DIP2B: variants seen among roughly 807,000 people sequenced by gnomAD.
The protein encoded by DIP2B is DIP2 acetate--CoA ligase B (putative), also known as disco-interacting protein 2 homolog B.
DIP2B carries 76 observed loss-of-function variants against 198.0 expected under a neutral mutation model. That is an observed-to-expected ratio of 0.38 (90% CI 0.32 to 0.46). The LOEUF (loss-of-function observed/expected upper bound fraction) is 0.46. Ranked by LOEUF, DIP2B falls within the 20% of genes least tolerant of loss-of-function variation. The pLI is 0.99. For synonymous variants in DIP2B, 701 were observed against 739.1 expected (o/e 0.95, Z 0.84); for missense variants, 1,559 against 1,978.4 (o/e 0.79, Z 4.02).
chr12:50,593,702 T>TCTCCTCTCCCCTCCTCTCCTCTCCC (rs1565836975), intron 1 of DIP2B, among the ~76,000 whole-genome samples: 11 of 56,520 alleles, frequency 1.9e-4, no homozygotes, highest in Non-Finnish European at 3.0e-4. Flanking sequence ...TCTCCTCTCC[T>TCTCCTCTCCCCTCCTCTCCTCTCCC]CTCCCCTCCT....
At chr12:50,710,173 C>A (rs1269927401) in intron 22 of DIP2B, among the ~76,000 whole-genome samples, 3 of 152,106 alleles carry the variant, frequency 2.0e-5, no homozygotes, top group Non-Finnish European at 2.9e-5. Flanking sequence ...CTCTTTTGTT[C>A]AGGGCTCGAT....
rs564915704 is a variant in DIP2B, at chr12:50,677,312, T to G, written c.917-1367T>G. Among the ~76,000 whole-genome samples, 7 of 152,264 alleles carry G rather than the reference T, an allele frequency of 4.6e-5. No individual in the cohort carries two copies. The East Asian group carries it at 1.4e-3, about 29-fold the overall frequency. On this transcript the variant is annotated intron_variant, in intron 7 of 37. Transcript: ENST00000301180. ...AGTGATTTGTTCCACGTGTAAATTA[T>G]CTTTCCTGCTATGAAAATGTAGCAT...
chr12:50,633,964 T>C (rs573206680), intron 2 of DIP2B, among the ~76,000 whole-genome samples: 6 of 152,100 alleles, frequency 3.9e-5, no homozygotes, highest in Non-Finnish European at 7.3e-5. Flanking sequence ...TTTTAACAAA[T>C]TAAAATTTAT....
At chr12:50,659,848 AT>A (rs2139510990) in intron 3 of DIP2B, among the ~76,000 whole-genome samples, 1 of 152,190 alleles carries the variant, frequency 6.6e-6, no homozygotes, top group African/African-American at 2.4e-5. Flanking sequence ...CGCTCATTCC[AT>A]TTGAGGCAGA....
intron 3 of DIP2B, among the ~76,000 whole-genome samples, chr12:50,647,947 A>C (rs1384769556): frequency 1.3e-5 from 2 of 152,176 alleles, no homozygotes; most frequent in Admixed American, 6.5e-5. Flanking sequence ...CTCTACTAAA[A>C]ATACAAAAAT....
chr12:50,699,232 A>G, intron 19 of DIP2B, 30 bp downstream of exon 19: 1 of 1,613,190 alleles, frequency 6.2e-7, no homozygotes, highest in Non-Finnish European at 8.5e-7. Flanking sequence ...CACAGGGAAA[A>G]TGTTTGGGGA....
At chr12:50,505,806 G>A (rs982434452) in intron 1 of DIP2B, among the ~76,000 whole-genome samples, 1 of 152,090 alleles carries the variant, frequency 6.6e-6, no homozygotes, top group East Asian at 1.9e-4. Flanking sequence ...AGAAGCAATG[G>A]CATTAACCCA....
At chr12:50,694,504 A>AATACATACATAC (rs59419587) in intron 14 of DIP2B, among the ~76,000 whole-genome samples, 1 of 143,628 alleles carries the variant, frequency 7.0e-6, no homozygotes, top group African/African-American at 2.6e-5. Context: ...CAGATAAATA[A>AATACATACATAC]ATACATACAT....
chr12:50,623,448 C>T (rs1241705114), intron 1 of DIP2B, among the ~76,000 whole-genome samples: 1 of 142,212 alleles, frequency 7.0e-6, no homozygotes, highest in African/African-American at 2.8e-5. Context: ...CTCTCTCTCT[C>T]TCTCTCTCTC....
chr12:50,743,298 G>C (rs1052939602), intron 37 of DIP2B, among the ~76,000 whole-genome samples: 1 of 152,160 alleles, frequency 6.6e-6, no homozygotes, highest in Non-Finnish European at 1.5e-5. Context: ...GGCCAGGCTA[G>C]TCTTGAATTC....
chr12:50,516,213 A>G (rs1284914239), intron 1 of DIP2B, among the ~76,000 whole-genome samples: 1 of 128,516 alleles, frequency 7.8e-6, no homozygotes, highest in Non-Finnish European at 1.7e-5. Context: ...TAGAGGCACC[A>G]TCTCTCTCTC....
In DIP2B at chr12:50,674,466, C is replaced by T; in HGVS notation, c.641-8C>T. On this transcript the variant is annotated splice_region_variant and splice_polypyrimidine_tract_variant and intron_variant, in intron 5 of 37. Transcript: ENST00000301180. ...AATATAATTCTAAACTTTGTTTTCT[C>T]CTCTCAGAGAATTTCTCTGCTCCTC... The T allele has an allele frequency of 6.2e-7, 1 of 1,614,058 alleles. No individual in the cohort carries two copies. Among genetic ancestry groups the T allele is most frequent in the Non-Finnish European group, 8.5e-7 (1 of 1,179,962 alleles).
intron 15 of DIP2B, 67 bp from the exon 16 acceptor site, chr12:50,695,781 A>T (rs1939299966): frequency 6.4e-7 from 1 of 1,566,636 alleles, no homozygotes; most frequent in African/African-American, 1.4e-5. Context: ...AAATGTTTTT[A>T]TTGTGGTGTA....
intron 1 of DIP2B, among the ~76,000 whole-genome samples, chr12:50,538,318 A>C (rs1053573701): frequency 2.6e-5 from 4 of 152,216 alleles, no homozygotes; most frequent in African/African-American, 9.7e-5. Context: ...GGGTTTGAGA[A>C]ATGTGAAGAG....
At chr12:50,567,473 C>G (rs1305135297) in intron 1 of DIP2B, among the ~76,000 whole-genome samples, 1 of 152,202 alleles carries the variant, frequency 6.6e-6, no homozygotes, top group Non-Finnish European at 1.5e-5. Flanking sequence ...AAACATCTGT[C>G]TTTCAGAGTG....
At position 50,671,276 on chromosome 12, in the gene DIP2B, C is replaced by T. The variant is rs1232750966; in HGVS notation, c.518C>T (p.Ser173Phe). The change falls in exon 5 of 38, where the codon TCC becomes TTC. Residue 173 changes from serine to phenylalanine, a missense_variant. Ser to Phe is a radical substitution (Grantham distance 155, BLOSUM62 -2). Coordinates refer to ENST00000301180, the MANE Select transcript of DIP2B (RefSeq NM_173602.3). ...ALQQSLQNAESWINRSIQGSS... is the reference protein window; with the variant it reads ...ALQQSLQNAEFWINRSIQGSS... The stretch of plus-strand genomic sequence containing the variant: ...CAACAGAGCTTACAGAATGCTGAGT[C>T]CTGGATCAACCGTTCAATTCAGGGA... The T allele has an allele frequency of 6.2e-7, 1 of 1,614,156 alleles. No individual in the cohort carries two copies.
chr12:50,549,775 C>G (rs1457974804), intron 1 of DIP2B, among the ~76,000 whole-genome samples: 1 of 149,514 alleles, frequency 6.7e-6, no homozygotes, highest in Non-Finnish European at 1.5e-5. Context: ...ACATTGGTAG[C>G]CTGTTTAACT....
chr12:50,574,194 CTTA>C (rs1309029611), intron 1 of DIP2B, among the ~76,000 whole-genome samples: 4 of 151,956 alleles, frequency 2.6e-5, no homozygotes, highest in African/African-American at 9.6e-5. Context: ...CTTGAATTAT[CTTA>C]TTAAGATTAC....
At chr12:50,724,546 T>C (rs1939896539) in intron 27 of DIP2B, among the ~76,000 whole-genome samples, 1 of 152,240 alleles carries the variant, frequency 6.6e-6, no homozygotes, top group East Asian at 1.9e-4. Flanking sequence ...CTGTTATAAA[T>C]GATACAGTGT....
Sources: allele counts gnomAD v4.1 joint callset (sites outside exome capture counted in the v4.1 genomes callset), GRCh38; gene constraint gnomAD v4.1.1; transcripts MANE v1.5; gene names NCBI Gene and HGNC (gene_info 2026-07-23, HGNC 2026-07-21).